Variants in TCL1A observed in about 807,000 individuals in gnomAD.
TCL1A encodes TCL1 family AKT coactivator A.
In TCL1A, 9 loss-of-function variants were observed where a neutral mutation model predicts 16.9. That is an observed-to-expected ratio of 0.53 (90% CI 0.32 to 0.93). The LOEUF is 0.93. Ranked by LOEUF, TCL1A falls within the 40% of genes least tolerant of loss-of-function variation. The probability of loss-of-function intolerance (pLI) is 0.04; values close to 1 mark genes in which losing one functional copy is unlikely to be tolerated. For synonymous variants in TCL1A, 69 were observed against 63.2 expected, an observed-to-expected ratio of 1.09 and a Z score of -0.44; for missense variants, 139 against 153.0, an observed-to-expected ratio of 0.91 and a Z score of 0.48.
chr14:95,713,642 T>G (rs75675056), intron 1 of TCL1A, among the ~76,000 whole-genome samples: 3 of 152,190 alleles, frequency 2.0e-5, no homozygotes, highest in South Asian at 2.1e-4. Context: ...CACTTAGAGA[T>G]ACCCATTTTT....
intron 1 of TCL1A, among the ~76,000 whole-genome samples, 194 bp downstream of exon 1, chr14:95,713,753 C>T (rs1334822479): frequency 1.3e-5 from 2 of 152,170 alleles, no homozygotes; most frequent in East Asian, 1.9e-4. Context: ...CATTCCTTTG[C>T]GGTTTTCCCA....
chr14:95,713,229 A>C (rs1886421620), intron 1 of TCL1A, among the ~76,000 whole-genome samples: 1 of 152,204 alleles, frequency 6.6e-6, no homozygotes, highest in African/African-American at 2.4e-5. Context: ...TTTGATTGCT[A>C]CTGGACATAC....
chr14:95,713,785 A>G (rs548171737), intron 1 of TCL1A, among the ~76,000 whole-genome samples, 162 bp downstream of exon 1: 1 of 151,934 alleles, frequency 6.6e-6, no homozygotes, highest in Admixed American at 6.5e-5. Context: ...TGCCTGGAGA[A>G]CTCCTATTCA....
intron 1 of TCL1A, 90 bp from the exon 2 acceptor site, chr14:95,712,486 C>A: frequency 6.6e-7 from 1 of 1,525,646 alleles, no homozygotes. Context: ...TCCTGCCAGC[C>A]ATCCACCCAT....
intron 1 of TCL1A, among the ~76,000 whole-genome samples, chr14:95,713,450 C>G (rs563514740): frequency 6.6e-6 from 1 of 152,286 alleles, no homozygotes; most frequent in South Asian, 2.1e-4. Flanking sequence ...GGCGCTTATA[C>G]TACGACATCA....
At chr14:95,711,931 C>T in intron 2 of TCL1A, 129 bp from the exon 3 acceptor site, 1 of 1,196,186 alleles carries the variant, frequency 8.4e-7, no homozygotes, top group Non-Finnish European at 1.2e-6. Flanking sequence ...TTCAGGGGCT[C>T]TTGGAGACTG....
chr14:95,711,534 G>T (rs1236587704), intron 3 of TCL1A: 3 of 547,602 alleles, frequency 5.5e-6, no homozygotes, highest in Non-Finnish European at 9.8e-6. Context: ...TTATAGATAT[G>T]AGCAGCTGCG....
chr14:95,711,646 G>T, intron 3 of TCL1A, 103 bp downstream of exon 3: 2 of 1,336,866 alleles, frequency 1.5e-6, no homozygotes, highest in Non-Finnish European at 2.1e-6. Context: ...TCAGATGGCA[G>T]CAGTCGGGGA....
At chr14:95,713,662 G>C (rs2139723433) in intron 1 of TCL1A, among the ~76,000 whole-genome samples, 1 of 152,232 alleles carries the variant, frequency 6.6e-6, no homozygotes, top group South Asian at 2.1e-4. Flanking sequence ...TAAGGATTAG[G>C]ACCCCGAAGC....
In TCL1A at chr14:95,711,819, G is replaced by A. The variant is rs185731765; in HGVS notation, c.298-17C>T. On this transcript the variant is annotated splice_polypyrimidine_tract_variant and intron_variant, in intron 2 of 3. Coordinates refer to ENST00000402399, the MANE Select transcript of TCL1A (RefSeq NM_021966.3). ...GCCGTCAATCTGAGAGGCAGAGAGA[G>A]AGAGAAGGCATTGATCGGCCAGAGC... 2,117 of 1,608,174 alleles carry A rather than the reference G, an allele frequency of 1.3e-3. 7 individuals carry two copies. The highest frequency in any genetic ancestry group is 1.4e-3 in the Non-Finnish European group (1,677 of 1,179,816).
chr14:95,713,686 G>T, intron 1 of TCL1A, among the ~76,000 whole-genome samples: 1 of 152,178 alleles, frequency 6.6e-6, no homozygotes, highest in East Asian at 1.9e-4. Context: ...GAAAATGCCT[G>T]CTGTAGTCAA....
chr14:95,713,880 C>T, intron 1 of TCL1A, 67 bp downstream of exon 1: 1 of 1,596,288 alleles, frequency 6.3e-7, no homozygotes, highest in Non-Finnish European at 8.5e-7. Context: ...CTCGCCCTTC[C>T]TAGGGCATCC....
rs1886304896 is a variant in TCL1A at position 95,710,178 on chromosome 14, C to G, written c.*710G>C. ...GGGAAACCCAACCTCTATCCCTTTTCCACGTGGGCAAGCCAAGGGTTCTGA... is the reference window on the plus strand; with the variant it reads ...GGGAAACCCAACCTCTATCCCTTTTGCACGTGGGCAAGCCAAGGGTTCTGA... On this transcript the variant is annotated 3_prime_UTR_variant, in exon 4 of 4. Coordinates refer to ENST00000402399, the MANE Select transcript of TCL1A (RefSeq NM_021966.3). The G allele has an allele frequency of 6.6e-6, 1 of 152,246 alleles. No individual in the cohort carries two copies. The highest frequency in any genetic ancestry group is 2.4e-5 in the African/African-American group (1 of 41,450). 9.4% of individuals were successfully genotyped at this position (152,246 alleles called of 1,614,324 possible).
At chr14:95,712,801 G>A (rs555390835) in intron 1 of TCL1A, 15 of 690,704 alleles carry the variant, frequency 2.2e-5, no homozygotes, top group Admixed American at 1.5e-4. Flanking sequence ...AAACAACAAA[G>A]AAAGAAAGAG....
chr14:95,712,441 C>A, intron 1 of TCL1A, 45 bp from the exon 2 acceptor site: 1 of 1,555,470 alleles, frequency 6.4e-7, no homozygotes, highest in Non-Finnish European at 8.7e-7. Context: ...GTTCCGCTTG[C>A]CAGGGCTTCT....
intron 1 of TCL1A, among the ~76,000 whole-genome samples, chr14:95,713,330 A>T (rs573656363): frequency 6.6e-6 from 1 of 152,200 alleles, no homozygotes; most frequent in African/African-American, 2.4e-5. Context: ...CATTGAGTAA[A>T]TCCAAATACT....
At chr14:95,713,608 C>T (rs1886448742) in intron 1 of TCL1A, among the ~76,000 whole-genome samples, 1 of 152,040 alleles carries the variant, frequency 6.6e-6, no homozygotes, top group African/African-American at 2.4e-5. Context: ...GAGATGATTC[C>T]GATAATCGGC....
intron 1 of TCL1A, 129 bp downstream of exon 1, chr14:95,713,818 T>A: frequency 7.1e-7 from 1 of 1,404,626 alleles, no homozygotes; most frequent in Non-Finnish European, 9.6e-7. Flanking sequence ...CGGCTCAAAG[T>A]GGCTTCATCT....
rs200858233 is a variant in TCL1A at position 95,713,903 on chromosome 14, G to C, written c.120+44C>G. 7.2e-5 allele frequency: 116 copies of C among 1,607,286 alleles called. 1 individual carries two copies. Among genetic ancestry groups the C allele is most frequent in the Non-Finnish European group, 9.8e-5 (115 of 1,178,814 alleles). On this transcript the variant is annotated intron_variant, in intron 1 of 3. Transcript: ENST00000402399. ...TCCTAGGGCATCCCAAGCTCCCAGGGGCTGCCCCTGCTGCCTCGCCATCCG... is the reference window on the plus strand; with the variant it reads ...TCCTAGGGCATCCCAAGCTCCCAGGCGCTGCCCCTGCTGCCTCGCCATCCG...
Sources: gnomAD v4.1 joint callset for allele counts (sites outside exome capture counted in the v4.1 genomes callset) on GRCh38, gnomAD v4.1.1 for gene constraint, MANE v1.5 for transcripts, NCBI Gene and HGNC (gene_info 2026-07-23, HGNC 2026-07-21) for gene names.